Variants in LAPTM4B observed in about 807,000 individuals in gnomAD.
LAPTM4B encodes lysosomal-associated transmembrane protein 4B.
Under a neutral mutation model 28.5 loss-of-function variants are expected in LAPTM4B, and 26 were observed. That is an observed-to-expected ratio of 0.91 (90% confidence interval 0.67 to 1.27). The LOEUF is 1.27. LAPTM4B is among the 50% of genes most tolerant of loss of function. The pLI is 0.00. For synonymous variants in LAPTM4B, 109 were observed against 106.4 expected, an observed-to-expected ratio of 1.02 and a Z score of -0.15; for missense variants, 288 against 285.8, an observed-to-expected ratio of 1.01 and a Z score of -0.06.
At chr8:97,833,180 A>C (rs1236000905) in intron 6 of LAPTM4B, among the ~76,000 whole-genome samples, 1 of 151,928 alleles carries the variant, frequency 6.6e-6, no homozygotes, top group African/African-American at 2.4e-5. Flanking sequence ...CTAAAAATAG[A>C]AAAGTTAGCC....
intron 5 of LAPTM4B, among the ~76,000 whole-genome samples, chr8:97,823,068 C>CAGA (rs1817032792): frequency 6.6e-6 from 1 of 152,110 alleles, no homozygotes; most frequent in Non-Finnish European, 1.5e-5. Context: ...GTCTCTATCT[C>CAGA]CTGACTTTGT....
chr8:97,794,680 C>G (rs1017315349), intron 1 of LAPTM4B, among the ~76,000 whole-genome samples: 1 of 152,140 alleles, frequency 6.6e-6, no homozygotes, highest in Non-Finnish European at 1.5e-5. Context: ...AAATGAGAGG[C>G]ATACCTGCCA....
At chr8:97,839,264 G>A (rs979747214) in intron 6 of LAPTM4B, among the ~76,000 whole-genome samples, 1 of 152,082 alleles carries the variant, frequency 6.6e-6, no homozygotes, top group African/African-American at 2.4e-5. Flanking sequence ...GCGCGATCTC[G>A]GCTCACTGCA....
At chr8:97,838,278 C>T (rs913285198) in intron 6 of LAPTM4B, among the ~76,000 whole-genome samples, 5 of 152,156 alleles carry the variant, frequency 3.3e-5, no homozygotes, top group South Asian at 2.1e-4. Context: ...ATTTGATGCC[C>T]TCATTTCCTC....
intron 6 of LAPTM4B, among the ~76,000 whole-genome samples, chr8:97,838,732 C>T (rs561329470): frequency 6.6e-6 from 1 of 152,146 alleles, no homozygotes; most frequent in Non-Finnish European, 1.5e-5. Flanking sequence ...AACATGTGGA[C>T]ACTTTTTCAT....
At chr8:97,805,294 T>G in intron 1 of LAPTM4B, 59 bp from the exon 2 acceptor site, 1 of 964,522 alleles carries the variant, frequency 1.0e-6, no homozygotes, top group Non-Finnish European at 1.6e-6. Flanking sequence ...TTTTCTATTA[T>G]AAGGATTGCA....
intron 1 of LAPTM4B, among the ~76,000 whole-genome samples, chr8:97,782,735 C>CTT (rs1016448852): frequency 7.0e-6 from 1 of 143,042 alleles, no homozygotes; most frequent in South Asian, 2.2e-4. Flanking sequence ...CGTCCCCAGC[C>CTT]TTTTTTTTTT....
rs774666254 is a variant in LAPTM4B, at chr8:97,775,788, G to A, written c.-222G>A. On this transcript the variant is annotated 5_prime_UTR_variant, in exon 1 of 7. Transcript: ENST00000521545. The stretch of plus-strand genomic sequence containing the variant: ...GCCAAGTCCGCCCCGCCCCCTCCCC[G>A]TCCCCGCCGCTGCAGCGGTCGCCTT... 20 of 1,557,532 alleles carry A rather than the reference G, an allele frequency of 1.3e-5. No homozygotes were observed. The highest frequency in any genetic ancestry group is 1.6e-5 in the Non-Finnish European group (18 of 1,156,030).
intron 1 of LAPTM4B, among the ~76,000 whole-genome samples, chr8:97,800,253 G>T (rs1307700940): frequency 2.0e-5 from 3 of 152,152 alleles, no homozygotes; most frequent in Non-Finnish European, 2.9e-5. Flanking sequence ...GACTGAGAGT[G>T]CGGGGAAAGC....
In LAPTM4B at chr8:97,776,002, C is replaced by T. The variant is rs1385326075; in HGVS notation, c.-8C>T. ...TGCGCGCGCGCTCGCGCCACTGCGCCCGGAGCGATGAAGATGGTCGCGCCC... is the reference window on the plus strand; with the variant it reads ...TGCGCGCGCGCTCGCGCCACTGCGCTCGGAGCGATGAAGATGGTCGCGCCC... On this transcript the variant is annotated 5_prime_UTR_variant, in exon 1 of 7. Coordinates refer to ENST00000521545, the MANE Select transcript of LAPTM4B (RefSeq NM_018407.6). The T allele has an allele frequency of 1.3e-6, 2 of 1,571,752 alleles. No homozygotes were observed. The highest frequency in any genetic ancestry group is 3.6e-5 in the Admixed American group (2 of 55,602).
intron 3 of LAPTM4B, among the ~76,000 whole-genome samples, 180 bp downstream of exon 3, chr8:97,815,581 T>G (rs1404238612): frequency 1.3e-5 from 2 of 151,962 alleles, no homozygotes; most frequent in Admixed American, 6.6e-5. Context: ...TTTTTTTTTT[T>G]GGGAAGACGG....
chr8:97,785,012 A>G (rs1208085083), intron 1 of LAPTM4B, among the ~76,000 whole-genome samples: 1 of 152,204 alleles, frequency 6.6e-6, no homozygotes, highest in Admixed American at 6.6e-5. Flanking sequence ...TCATCTAATA[A>G]AGGATCAAGG....
chr8:97,789,719 C>A (rs990224016), intron 1 of LAPTM4B, among the ~76,000 whole-genome samples: 1 of 151,736 alleles, frequency 6.6e-6, no homozygotes, highest in African/African-American at 2.4e-5. Context: ...TGGGATTTCT[C>A]CATGTTGGTC....
intron 6 of LAPTM4B, among the ~76,000 whole-genome samples, chr8:97,849,663 C>G (rs940334209): frequency 2.0e-5 from 3 of 152,198 alleles, no homozygotes; most frequent in African/African-American, 7.2e-5. Context: ...GGCCAGTTAT[C>G]GGCTTCTTGC....
At chr8:97,802,718 C>T (rs913688449) in intron 1 of LAPTM4B, among the ~76,000 whole-genome samples, 1 of 151,660 alleles carries the variant, frequency 6.6e-6, no homozygotes, top group Non-Finnish European at 1.5e-5. Flanking sequence ...ATGCCTTTGA[C>T]GGAGAAGGTA....
At chr8:97,802,780 C>T (rs1816703879) in intron 1 of LAPTM4B, among the ~76,000 whole-genome samples, 1 of 152,076 alleles carries the variant, frequency 6.6e-6, no homozygotes, top group African/African-American at 2.4e-5. Flanking sequence ...TAAACACATG[C>T]TTGTAGTATC....
At chr8:97,802,775 A>C (rs1196868118) in intron 1 of LAPTM4B, among the ~76,000 whole-genome samples, 2 of 152,196 alleles carry the variant, frequency 1.3e-5, no homozygotes, top group Non-Finnish European at 2.9e-5. Context: ...TTGGTTAAAC[A>C]CATGCTTGTA....
intron 1 of LAPTM4B, among the ~76,000 whole-genome samples, chr8:97,798,377 C>A (rs1816623871): frequency 6.6e-6 from 1 of 152,122 alleles, no homozygotes; most frequent in Admixed American, 6.6e-5. Flanking sequence ...AATAATAATA[C>A]AGTAGATATG....
chr8:97,792,113 C>G (rs1229433109), intron 1 of LAPTM4B, among the ~76,000 whole-genome samples: 1 of 152,176 alleles, frequency 6.6e-6, no homozygotes, highest in Non-Finnish European at 1.5e-5. Context: ...CCCTCAGAGT[C>G]TATAACCAAA....
Sources: gnomAD v4.1 joint callset for allele counts (sites outside exome capture counted in the v4.1 genomes callset) on GRCh38, gnomAD v4.1.1 for gene constraint, MANE v1.5 for transcripts, NCBI Gene and HGNC (gene_info 2026-07-23, HGNC 2026-07-21) for gene names.